Variants in SYNE2 observed in about 807,000 individuals in gnomAD.
SYNE2 encodes spectrin repeat containing nuclear envelope protein 2.
A neutral mutation model predicts 856.3 loss-of-function variants in SYNE2; 431 were observed. The ratio of observed to expected loss-of-function variants is 0.50; its 90% CI spans 0.47 to 0.55. The LOEUF (loss-of-function observed/expected upper bound fraction) is 0.55. Among genes scored for constraint, SYNE2 ranks in the 20% least tolerant of loss-of-function variants. The probability of loss-of-function intolerance (pLI) is 0.00; values close to 1 mark genes in which losing one functional copy is unlikely to be tolerated. For synonymous variants in SYNE2, 2,923 were observed against 2,872.3 expected (o/e 1.02, Z -0.56); for missense variants, 8,129 against 8,023.2 (o/e 1.01, Z -0.50).
chr14:63,940,642 C>T lies in SYNE2; in HGVS notation c.108C>T (p.Ala36=), dbSNP rs1595764443. The T allele has an allele frequency of 1.2e-6, 2 of 1,614,084 alleles. No homozygotes were observed. Among genetic ancestry groups the T allele is most frequent in the Non-Finnish European group, 1.7e-6 (2 of 1,180,000 alleles). ...QAEQEDTQKK[A]FTCWINSQLA... is the part of the protein sequence containing the mutation. ...AACAGGAAGACACCCAGAAGAAAGC[C>T]TTCACGTGCTGGATAAACTCACAGT... The change falls in exon 3 of 116, where the codon GCC becomes GCT. Residue 36 remains alanine, a synonymous_variant. Coordinates refer to ENST00000555002, the MANE Select transcript of SYNE2 (RefSeq NM_182914.3).
At chr14:63,877,309 G>T (rs1400384917) in intron 1 of SYNE2, among the ~76,000 whole-genome samples, 2 of 152,068 alleles carry the variant, frequency 1.3e-5, no homozygotes, top group African/African-American at 4.8e-5. Context: ...GGTCAAAATA[G>T]GAACTATGAT....
intron 108 of SYNE2, among the ~76,000 whole-genome samples, chr14:64,216,787 C>T (rs374717788): frequency 6.6e-6 from 1 of 152,178 alleles, no homozygotes; most frequent in African/African-American, 2.4e-5. Flanking sequence ...TGCACTGGCA[C>T]GATCTTGACT....
intron 1 of SYNE2, among the ~76,000 whole-genome samples, chr14:63,800,092 G>C (rs1166494126): frequency 6.6e-6 from 1 of 152,172 alleles, no homozygotes; most frequent in Non-Finnish European, 1.5e-5. Flanking sequence ...CTGTTAGCCT[G>C]TTCATTTGAG....
chr14:63,941,633 T>G (rs905576837), intron 3 of SYNE2, 62 bp from the exon 4 acceptor site: 4 of 1,393,088 alleles, frequency 2.9e-6, no homozygotes, highest in Admixed American at 1.7e-5. Flanking sequence ...TTTATGAGAT[T>G]CTTAAAGGTA....
intron 94 of SYNE2, among the ~76,000 whole-genome samples, chr14:64,170,879 T>C (rs370565388): frequency 7.2e-5 from 11 of 152,152 alleles, no homozygotes; most frequent in African/African-American, 2.4e-4. Flanking sequence ...ATAGAATGAA[T>C]AAGACCTACT....
Position 64,022,786 on chromosome 14 carries a change from A to G in SYNE2, c.5560A>G (p.Ile1854Val). 6.2e-7 allele frequency: 1 copy of G among 1,610,902 alleles called. No individual in the cohort carries two copies. Among genetic ancestry groups the G allele is most frequent in the Non-Finnish European group, 8.5e-7 (1 of 1,177,534 alleles). ...CKNFNDWFSNIKVNLKECFES... is the reference protein window; with the variant it reads ...CKNFNDWFSNVKVNLKECFES... ...GAACTTTAATGACTGGTTCAGCAAC[A>G]TTAAAGTGAACCTTAAGGAGTGTTT... Residue 1854 changes from isoleucine to valine, a missense_variant, in exon 38 of 116, where the codon ATT (isoleucine) becomes GTT (valine). This residue lies in a region of SYNE2 where 2,422 missense variants were observed against 2,357.4 expected (regional missense o/e 1.03). Transcript: ENST00000555002.
intron 45 of SYNE2, among the ~76,000 whole-genome samples, chr14:64,034,007 G>A (rs1020381391): frequency 6.6e-6 from 1 of 152,068 alleles, no homozygotes; most frequent in Admixed American, 6.6e-5. Context: ...ATTAGAGTAT[G>A]TAATATTATA....
At chr14:64,223,057 A>G in intron 112 of SYNE2, 132 bp from the exon 113 acceptor site, 1 of 853,172 alleles carries the variant, frequency 1.2e-6, no homozygotes, top group South Asian at 1.4e-5. Context: ...GATATGAGAA[A>G]TAGAGGATTC....
chr14:64,159,954 G>A (rs991971706), intron 87 of SYNE2, among the ~76,000 whole-genome samples: 6 of 152,100 alleles, frequency 3.9e-5, no homozygotes, highest in Non-Finnish European at 7.4e-5. Context: ...TTAATTGCAG[G>A]GCTTTTATTT....
At chr14:64,191,578 G>A (rs2098519016) in intron 99 of SYNE2, among the ~76,000 whole-genome samples, 1 of 152,218 alleles carries the variant, frequency 6.6e-6, no homozygotes, top group African/African-American at 2.4e-5. Flanking sequence ...AAGCATAGGA[G>A]ATGAGCTAGA....
chr14:64,056,390 T>C lies in SYNE2; in HGVS notation c.10067+124T>C. 4 of 786,124 alleles carry C rather than the reference T, an allele frequency of 5.1e-6. No homozygotes were observed. In the South Asian group the frequency reaches 7.3e-5, roughly 14 times the overall value. 48.7% of individuals were successfully genotyped at this position (786,124 alleles called of 1,614,324 possible). A position where few individuals can be genotyped will look rare whatever the true frequency, so the allele number is the denominator to read the frequency against. ...TTTTTTTCTCTGTCATTAACACCTA[T>C]GCATTAGAGATAATTTGGAAAATAT... On this transcript the variant is annotated intron_variant, in intron 49 of 115. Coordinates refer to ENST00000555002, the MANE Select transcript of SYNE2 (RefSeq NM_182914.3).
At chr14:64,051,233 A>G (rs2097223140) in intron 47 of SYNE2, among the ~76,000 whole-genome samples, 1 of 152,096 alleles carries the variant, frequency 6.6e-6, no homozygotes, top group South Asian at 2.1e-4. Context: ...TACAATTTAC[A>G]AAATATTTTT....
At chr14:64,168,346 G>A (rs1359745940) in intron 92 of SYNE2, among the ~76,000 whole-genome samples, 3 of 152,124 alleles carry the variant, frequency 2.0e-5, no homozygotes, top group East Asian at 3.9e-4. Flanking sequence ...CAAGTGATCC[G>A]CCTGCCTCGG....
At chr14:64,208,130 G>A (rs1420761183) in intron 100 of SYNE2, 2 of 456,060 alleles carry the variant, frequency 4.4e-6, no homozygotes, top group South Asian at 3.1e-5. Context: ...CAAGACTCCA[G>A]AGACCCCACC....
chr14:64,026,564 T>G lies in SYNE2; in HGVS notation c.6253-15T>G. 1 of 1,604,324 alleles carries G rather than the reference T, an allele frequency of 6.2e-7. No individual in the cohort carries two copies. Among genetic ancestry groups the G allele is most frequent in the South Asian group, 1.1e-5 (1 of 90,410 alleles). On this transcript the variant is annotated splice_polypyrimidine_tract_variant and intron_variant, in intron 41 of 115. Coordinates refer to ENST00000555002, the MANE Select transcript of SYNE2 (RefSeq NM_182914.3). ...AATGCAAATGACATTATAAAATCTCTTTTATTTAATTCAGGAAATCATTTT... is the reference window on the plus strand; with the variant it reads ...AATGCAAATGACATTATAAAATCTCGTTTATTTAATTCAGGAAATCATTTT...
intron 42 of SYNE2, among the ~76,000 whole-genome samples, 164 bp downstream of exon 42, chr14:64,026,894 T>C (rs2096984515): frequency 6.6e-6 from 1 of 152,246 alleles, no homozygotes; most frequent in South Asian, 2.1e-4. Context: ...CAAAACCAGA[T>C]AACCTCATTA....
At chr14:64,064,729 T>G (rs1211684704) in intron 50 of SYNE2, among the ~76,000 whole-genome samples, 1 of 151,882 alleles carries the variant, frequency 6.6e-6, no homozygotes, top group Non-Finnish European at 1.5e-5. Flanking sequence ...AATTTTTTAA[T>G]TTTTTGTAGA....
intron 1 of SYNE2, among the ~76,000 whole-genome samples, chr14:63,799,877 C>A (rs777129891): frequency 1.3e-5 from 2 of 152,106 alleles, no homozygotes; most frequent in Non-Finnish European, 2.9e-5. Flanking sequence ...ATCTTTCTTT[C>A]GCTCTAATAG....
At chr14:63,854,663 T>A (rs910698132) in intron 1 of SYNE2, among the ~76,000 whole-genome samples, 1 of 152,246 alleles carries the variant, frequency 6.6e-6, no homozygotes, top group African/African-American at 2.4e-5. Flanking sequence ...TCTGAATTTT[T>A]AAAAAATCAA....
Sources: gnomAD v4.1 joint callset for allele counts (sites outside exome capture counted in the v4.1 genomes callset) on GRCh38, gnomAD v4.1.1 for gene constraint, gnomAD v4.1.1 regional missense constraint, MANE v1.5 for transcripts, NCBI Gene and HGNC (gene_info 2026-07-23, HGNC 2026-07-21) for gene names.